Variants in ITPR2 observed in about 807,000 individuals in gnomAD.
The protein encoded by ITPR2 is inositol 1,4,5-trisphosphate-gated calcium channel ITPR2.
A neutral mutation model predicts 317.1 loss-of-function variants in ITPR2; 207 were observed. The observed-to-expected ratio is 0.65, with a 90% CI of 0.58 to 0.73. The LOEUF (loss-of-function observed/expected upper bound fraction) is 0.73, where lower values mean the gene tolerates loss of function less well. Among genes scored for constraint, ITPR2 ranks in the 30% least tolerant of loss-of-function variants. ITPR2 has a pLI of 0.00. For missense variants in ITPR2, 2,613 were observed against 3,284.0 expected, an observed-to-expected ratio of 0.80 and a Z score of 4.99; for synonymous variants, 1,156 against 1,149.1, an observed-to-expected ratio of 1.01 and a Z score of -0.12.
chr12:26,559,429 A>T (rs1944752424), intron 35 of ITPR2, among the ~76,000 whole-genome samples: 1 of 152,210 alleles, frequency 6.6e-6, no homozygotes, highest in African/African-American at 2.4e-5. Flanking sequence ...GTGAGGATGC[A>T]CTTCCTGGTT....
At chr12:26,540,761 A>G (rs191832308) in intron 37 of ITPR2, among the ~76,000 whole-genome samples, 17 of 152,296 alleles carry the variant, frequency 1.1e-4, no homozygotes, top group Middle Eastern at 3.4e-3. Context: ...TCATCCAGTA[A>G]ATTTATCACT....
At chr12:26,550,404 G>T in intron 36 of ITPR2, 49 bp from the exon 37 acceptor site, 1 of 822,940 alleles carries the variant, frequency 1.2e-6, no homozygotes, top group Non-Finnish European at 2.0e-6. Flanking sequence ...TTCTCTTCAA[G>T]CTATATACAA....
intron 35 of ITPR2, among the ~76,000 whole-genome samples, 191 bp from the exon 36 acceptor site, chr12:26,556,566 T>TTTTTGTGTG (rs370599538): frequency 3.7e-5 from 5 of 136,200 alleles, no homozygotes; most frequent in Non-Finnish European, 6.2e-5. Context: ...ATTTTTTTTT[T>TTTTTGTGTG]TGTGTGTGTG....
At chr12:26,825,697 G>C (rs1239154109) in intron 1 of ITPR2, among the ~76,000 whole-genome samples, 1 of 152,198 alleles carries the variant, frequency 6.6e-6, no homozygotes, top group South Asian at 2.1e-4. Flanking sequence ...CTGAAAAGCT[G>C]TTATGGTATT....
intron 37 of ITPR2, among the ~76,000 whole-genome samples, chr12:26,546,874 A>G (rs1353741325): frequency 6.6e-6 from 1 of 152,126 alleles, no homozygotes; most frequent in Non-Finnish European, 1.5e-5. Flanking sequence ...CTGGATCCCT[A>G]TCTCTCACCA....
chr12:26,636,231 T>G (rs572924856), intron 21 of ITPR2, among the ~76,000 whole-genome samples: 2 of 152,360 alleles, frequency 1.3e-5, no homozygotes, highest in East Asian at 1.9e-4. Flanking sequence ...GGTAGACCTC[T>G]TCTGGCCACC....
intron 21 of ITPR2, among the ~76,000 whole-genome samples, chr12:26,637,462 C>T (rs1041184578): frequency 1.3e-5 from 2 of 151,810 alleles, no homozygotes; most frequent in African/African-American, 4.8e-5. Context: ...AGGTTTTGAA[C>T]GAAGTGAAAG....
At chr12:26,514,273 G>A (rs959914748) in intron 37 of ITPR2, among the ~76,000 whole-genome samples, 1 of 152,088 alleles carries the variant, frequency 6.6e-6, no homozygotes, top group African/African-American at 2.4e-5. Context: ...GCACTGGCTG[G>A]GATTTGTATC....
chr12:26,560,610 C>A (rs1944790330), intron 35 of ITPR2, among the ~76,000 whole-genome samples: 1 of 152,180 alleles, frequency 6.6e-6, no homozygotes, highest in Non-Finnish European at 1.5e-5. Context: ...CCTATTTCTT[C>A]ATTTCATCCA....
chr12:26,497,150 T>G (rs1366035114), intron 37 of ITPR2, among the ~76,000 whole-genome samples: 6 of 145,698 alleles, frequency 4.1e-5, no homozygotes, highest in African/African-American at 1.6e-4. Context: ...TGATCATTTC[T>G]CTCTCTTTTT....
At chr12:26,572,271 A>G (rs28457244) in intron 34 of ITPR2, among the ~76,000 whole-genome samples, 5,367 of 152,244 alleles carry the variant, frequency 0.035, 245 homozygotes, top group African/African-American at 0.099. Flanking sequence ...AGCCTCCTGC[A>G]CTAGGCCCCA....
intron 52 of ITPR2, among the ~76,000 whole-genome samples, chr12:26,402,733 G>A (rs767794444): frequency 2.6e-5 from 4 of 152,120 alleles, no homozygotes; most frequent in Admixed American, 1.3e-4. Context: ...TTCTACCTTC[G>A]TGAGATGCAG....
At position 26,602,413 on chromosome 12, in the gene ITPR2, G is replaced by A. The variant is rs368911384; in HGVS notation, c.3635C>T (p.Ala1212Val). The A allele has an allele frequency of 3.8e-5, 62 of 1,613,568 alleles. No homozygotes were observed. The highest frequency in any genetic ancestry group is 1.6e-4 in the Middle Eastern group (1 of 6,062). ...CAGAAGATCCAACACCACCGAATGC[G>A]CCCCCATATTTTTCAGTAATCGTTG... ...QHQRLLKNMG[A>V]HSVVLDLLQI... is the part of the protein sequence containing the mutation. The change falls in exon 28 of 57, where the codon GCG (alanine) becomes GTG (valine). Residue 1212 changes from alanine (A) to valine (V), a missense_variant. This residue lies in a region of ITPR2 where 817 missense variants were observed against 897.6 expected (regional missense o/e 0.91). Transcript: ENST00000381340.
chr12:26,707,226 T>C (rs373432199), intron 9 of ITPR2, among the ~76,000 whole-genome samples: 1 of 152,226 alleles, frequency 6.6e-6, no homozygotes, highest in Non-Finnish European at 1.5e-5. Context: ...TGAAGAAACA[T>C]ATATTGAAGG....
intron 30 of ITPR2, among the ~76,000 whole-genome samples, chr12:26,597,726 T>TTC (rs1945884455): frequency 6.6e-6 from 1 of 152,218 alleles, no homozygotes; most frequent in Non-Finnish European, 1.5e-5. Context: ...TTTTAAGACA[T>TTC]AAATTTTCCT....
At chr12:26,428,504 T>C (rs1941125208) in intron 48 of ITPR2, among the ~76,000 whole-genome samples, 1 of 152,150 alleles carries the variant, frequency 6.6e-6, no homozygotes, top group Non-Finnish European at 1.5e-5. Context: ...CCTATCAGTA[T>C]CAAGTTTCCA....
chr12:26,664,402 G>A (rs1947573251), intron 14 of ITPR2, among the ~76,000 whole-genome samples: 2 of 152,164 alleles, frequency 1.3e-5, no homozygotes, highest in Non-Finnish European at 2.9e-5. Context: ...GACAAATTAG[G>A]AGCCACATGG....
intron 10 of ITPR2, among the ~76,000 whole-genome samples, chr12:26,695,208 A>G (rs1408552944): frequency 6.6e-6 from 1 of 152,216 alleles, no homozygotes; most frequent in African/African-American, 2.4e-5. Flanking sequence ...ATCTAGCCCA[A>G]CATCCAGAGA....
chr12:26,633,699 C>CT (rs2136839519), intron 21 of ITPR2, among the ~76,000 whole-genome samples: 1 of 152,334 alleles, frequency 6.6e-6, no homozygotes, highest in African/African-American at 2.4e-5. Flanking sequence ...GCTACATGGA[C>CT]TGCAGGGAGG....
Sources: gnomAD v4.1 joint callset for allele counts (sites outside exome capture counted in the v4.1 genomes callset) on GRCh38, gnomAD v4.1.1 for gene constraint, gnomAD v4.1.1 regional missense constraint, MANE v1.5 for transcripts, NCBI Gene and HGNC (gene_info 2026-07-23, HGNC 2026-07-21) for gene names.